Variants in CUX1 observed in about 807,000 individuals in gnomAD.
CUX1 encodes cut like homeobox 1.
A neutral mutation model predicts 158.8 loss-of-function variants in CUX1; 31 were observed. That is an observed-to-expected ratio of 0.20 (90% CI 0.15 to 0.26). The LOEUF is 0.26. Ranked by LOEUF, CUX1 falls within the 10% of genes least tolerant of loss-of-function variation. The pLI, the probability that CUX1 is intolerant of heterozygous loss-of-function variation, is 1.00. For missense variants in CUX1, 1,589 were observed against 2,014.6 expected, an observed-to-expected ratio of 0.79 and a Z score of 4.04; for synonymous variants, 879 against 862.1, an observed-to-expected ratio of 1.02 and a Z score of -0.34.
intron 8 of CUX1, among the ~76,000 whole-genome samples, chr7:102,139,873 G>T (rs1440896454): frequency 6.6e-6 from 1 of 151,626 alleles, no homozygotes; most frequent in Non-Finnish European, 1.5e-5. Flanking sequence ...GCCCAGGCTG[G>T]TCTCAAGCTC....
At chr7:102,127,566 GT>G (rs1352458054) in intron 8 of CUX1, among the ~76,000 whole-genome samples, 1 of 118,704 alleles carries the variant, frequency 8.4e-6, no homozygotes, top group Non-Finnish European at 1.8e-5. Flanking sequence ...TCTAGGGTTT[GT>G]TTTTTGTTTT....
intron 2 of CUX1, among the ~76,000 whole-genome samples, chr7:101,986,151 G>A (rs922102421): frequency 1.3e-5 from 2 of 152,160 alleles, no homozygotes; most frequent in Admixed American, 6.5e-5. Context: ...GATAGAAACC[G>A]GTCCTGGTTT....
chr7:102,054,875 G>A (rs1246601891), intron 3 of CUX1, among the ~76,000 whole-genome samples: 1 of 152,054 alleles, frequency 6.6e-6, no homozygotes, highest in African/African-American at 2.4e-5. Flanking sequence ...GGAGGCTGTG[G>A]CAGGAGGATC....
intron 3 of CUX1, among the ~76,000 whole-genome samples, chr7:102,043,737 GTGT>G (rs1291407580): frequency 6.6e-6 from 1 of 152,086 alleles, no homozygotes; most frequent in Non-Finnish European, 1.5e-5. Flanking sequence ...TCCCTTTGTG[GTGT>G]TGCTGGATCG....
At chr7:101,880,133 T>C (rs1217925742) in intron 1 of CUX1, among the ~76,000 whole-genome samples, 2 of 152,054 alleles carry the variant, frequency 1.3e-5, no homozygotes, top group African/African-American at 4.8e-5. Flanking sequence ...AAACTCCAAG[T>C]GTGAGAATAT....
chr7:101,893,533 A>G (rs1801131960), intron 1 of CUX1, among the ~76,000 whole-genome samples: 1 of 152,136 alleles, frequency 6.6e-6, no homozygotes, highest in Non-Finnish European at 1.5e-5. Flanking sequence ...GCCCCCTGCG[A>G]GCGTTCTTTC....
intron 17 of CUX1, 84 bp downstream of exon 17, chr7:102,200,256 A>ATT (rs11413053): frequency 2.9e-3 from 2,687 of 915,100 alleles, no homozygotes; most frequent in Non-Finnish European, 3.4e-3. Context: ...GTAATTAACT[A>ATT]TTTTTTTTTT....
At chr7:102,015,259 ACT>A (rs1818451731) in intron 2 of CUX1, among the ~76,000 whole-genome samples, 1 of 151,970 alleles carries the variant, frequency 6.6e-6, no homozygotes, top group Admixed American at 6.6e-5. Flanking sequence ...ATGGAGTCTC[ACT>A]CTGTCACCCA....
chr7:102,195,697 G>A, intron 14 of CUX1, 94 bp downstream of exon 14: 6 of 1,148,746 alleles, frequency 5.2e-6, no homozygotes, highest in South Asian at 4.5e-5. Context: ...CTGGACAGAT[G>A]CATGGCCAGA....
intron 1 of CUX1, among the ~76,000 whole-genome samples, chr7:101,876,420 G>C (rs1799141915): frequency 6.6e-6 from 1 of 151,940 alleles, no homozygotes; most frequent in African/African-American, 2.4e-5. Context: ...CTTTCGGCTG[G>C]GCGCGCTGGC....
intron 7 of CUX1, among the ~76,000 whole-genome samples, chr7:102,112,768 A>T (rs1831069149): frequency 6.6e-6 from 1 of 151,874 alleles, no homozygotes; most frequent in Non-Finnish European, 1.5e-5. Flanking sequence ...ATGAGGTTTC[A>T]CCACATTGGC....
chr7:102,075,349 C>T (rs938399648), intron 4 of CUX1, among the ~76,000 whole-genome samples: 5 of 152,198 alleles, frequency 3.3e-5, no homozygotes, highest in East Asian at 1.9e-4. Context: ...CCTGTTGAGA[C>T]GCCACTTCCT....
upstream of CUX1, among the ~76,000 whole-genome samples, chr7:101,816,396 C>T (rs1417265487): frequency 1.4e-5 from 2 of 143,786 alleles, no homozygotes; most frequent in East Asian, 4.2e-4. Flanking sequence ...GGGCGCCCCC[C>T]CGGGCCCCGC....
chr7:102,278,121 A>C, intron 18 of CUX1: 1 of 1,315,308 alleles, frequency 7.6e-7, no homozygotes, highest in African/African-American at 1.5e-5. Context: ...AGAGAGGCCG[A>C]TCAGGGCTCT....
In CUX1 at chr7:101,844,607, G is replaced by A. The variant is rs181698711; in HGVS notation, c.30+26938G>A. On this transcript the variant is annotated intron_variant, in intron 1 of 23. Transcript: ENST00000292535. ...CTTTTTTCTTTTTATCCTTGTCATC[G>A]TTCTTCTTTTTTCTTTTTGTTTTTC... Among the ~76,000 whole-genome samples the A allele has an allele frequency of 1.7e-4, 26 of 151,848 alleles. 1 individual carries two copies. In the East Asian group the frequency reaches 3.3e-3, roughly 19 times the overall value.
intron 3 of CUX1, among the ~76,000 whole-genome samples, chr7:102,064,678 G>T (rs1027109438): frequency 1.3e-5 from 2 of 152,072 alleles, no homozygotes; most frequent in Non-Finnish European, 2.9e-5. Context: ...GTGGACACCT[G>T]GGGGGAAGCT....
chr7:102,159,274 T>A (rs1321737012), intron 9 of CUX1, among the ~76,000 whole-genome samples: 1 of 152,186 alleles, frequency 6.6e-6, no homozygotes, highest in Admixed American at 6.5e-5. Context: ...GAGAGTTCCT[T>A]ACCGCCACGT....
chr7:102,228,861 C>T (rs782639008), intron 21 of CUX1, among the ~76,000 whole-genome samples: 4 of 152,172 alleles, frequency 2.6e-5, no homozygotes, highest in Admixed American at 6.5e-5. Flanking sequence ...AGCTGGGCAG[C>T]GTCCACCCGG....
intron 22 of CUX1, among the ~76,000 whole-genome samples, chr7:102,239,099 C>T (rs1316120476): frequency 2.0e-5 from 3 of 152,274 alleles, no homozygotes; most frequent in Non-Finnish European, 4.4e-5. Context: ...ATTGGCCAGG[C>T]TGGTCTTGAA....
Sources: gnomAD v4.1 joint callset for allele counts (sites outside exome capture counted in the v4.1 genomes callset) on GRCh38, gnomAD v4.1.1 for gene constraint, MANE v1.5 for transcripts, NCBI Gene and HGNC (gene_info 2026-07-23, HGNC 2026-07-21) for gene names.